Variants in ACAD8 observed in about 807,000 individuals in gnomAD.
The protein encoded by ACAD8 is isobutyryl-CoA dehydrogenase, mitochondrial.
A neutral mutation model predicts 53.1 loss-of-function variants in ACAD8; 47 were observed. The ratio of observed to expected loss-of-function variants is 0.89; its 90% confidence interval spans 0.70 to 1.13. The LOEUF (loss-of-function observed/expected upper bound fraction) is 1.13. Among genes scored for constraint, ACAD8 ranks in the 50% most tolerant of loss-of-function variants. ACAD8 has a pLI of 0.00. For synonymous variants in ACAD8, 198 were observed against 201.3 expected (o/e 0.98, Z 0.14); for missense variants, 494 against 535.0 (o/e 0.92, Z 0.76).
rs748064018 is a variant in ACAD8 at position 134,261,639 on chromosome 11, T to G, written c.940-99T>G. 1.1e-5 allele frequency: 18 copies of G among 1,588,740 alleles called. No individual in the cohort carries two copies. In the South Asian group the frequency reaches 2.0e-4, roughly 18 times the overall value. ...AAGAGACTTTGAAGCTTTGGATCACTTAGAAAAGGCGCCTCCGAGATGTCT... is the reference window on the plus strand; with the variant it reads ...AAGAGACTTTGAAGCTTTGGATCACGTAGAAAAGGCGCCTCCGAGATGTCT... On this transcript the variant is annotated intron_variant, in intron 8 of 10. Transcript: ENST00000281182. This position sits in a 1 kb window ranked among gnomAD's most constrained non-coding sequence, Gnocchi z 4.2.
At position 134,261,258 on chromosome 11, in the gene ACAD8, G is replaced by A. The variant is rs1245553838; in HGVS notation, c.842-17G>A. 1 of 1,614,022 alleles carries A rather than the reference G, an allele frequency of 6.2e-7. No homozygotes were observed. The highest frequency in any genetic ancestry group is 8.5e-7 in the Non-Finnish European group (1 of 1,179,946). On this transcript the variant is annotated splice_polypyrimidine_tract_variant and intron_variant, in intron 7 of 10. Transcript: ENST00000281182. The surrounding 1 kb of genome is among the most constrained non-coding windows in gnomAD (Gnocchi z 4.2). Reference sequence around the variant, plus strand: ...GTTTTCCAGCTTGGTTGGAACGTCGGCGCTCTTCCCCTCTAGCTTCCTGCT... The same window carrying A: ...GTTTTCCAGCTTGGTTGGAACGTCGACGCTCTTCCCCTCTAGCTTCCTGCT...
At chr11:134,253,840 C>T in intron 1 of ACAD8, 131 bp downstream of exon 1, 2 of 994,066 alleles carry the variant, frequency 2.0e-6, no homozygotes, top group Non-Finnish European at 3.1e-6. Context: ...AGTCACCCCC[C>T]CGGCCTGGCT....
chr11:134,262,282 A>G (rs1939927829), intron 9 of ACAD8: 1 of 660,686 alleles, frequency 1.5e-6, no homozygotes, highest in East Asian at 3.0e-5. Context: ...GGCAGGTAAT[A>G]AGGGAGAGGG....
At position 134,258,973 on chromosome 11, in the gene ACAD8, C is replaced by A. The variant is rs12800491; in HGVS notation, c.491-35C>A. On this transcript the variant is annotated intron_variant, in intron 4 of 10. Coordinates refer to ENST00000281182, the MANE Select transcript of ACAD8 (RefSeq NM_014384.3). ...GCTCCCTCGACCTCACTGACTTTCT[C>A]ACCTTCTCTCTGCTGCCTTTTGATC... 0.037 allele frequency: 57,646 copies of A among 1,576,160 alleles called. 1,233 individuals carry two copies. Among genetic ancestry groups the A allele is most frequent in the African/African-American group, 0.043 (3,223 of 74,254 alleles).
intron 4 of ACAD8, 27 bp downstream of exon 4, chr11:134,258,651 A>G: frequency 6.6e-7 from 1 of 1,526,288 alleles, no homozygotes; most frequent in Non-Finnish European, 9.1e-7. Flanking sequence ...GCACTGAGAT[A>G]TAGCAGGGAG....
chr11:134,265,150 C>T lies in ACAD8; in HGVS notation c.*190C>T, dbSNP rs111296476. ...ACTGGGGCAGAATCCCCAGTGGAAC[C>T]GGAAGAGCTGGACTGATGAGAAACA... On this transcript the variant is annotated 3_prime_UTR_variant, in exon 11 of 11. Transcript: ENST00000281182. 9,985 of 646,860 alleles carry T rather than the reference C, an allele frequency of 0.015. 707 individuals are homozygous for T. The African/African-American group carries it at 0.16, about 10-fold the overall frequency. The allele number at this position is 646,860 out of a possible 1,614,324, so 40.1% of individuals were successfully genotyped here. A position where few individuals can be genotyped will look rare whatever the true frequency, so the allele number is the denominator to read the frequency against.
At position 134,254,682 on chromosome 11, in the gene ACAD8, G is replaced by A. The variant is rs11223735; in HGVS notation, c.109+973G>A. On this transcript the variant is annotated intron_variant, in intron 1 of 10. Coordinates refer to ENST00000281182, the MANE Select transcript of ACAD8 (RefSeq NM_014384.3). ...AACCCAGATTACCCTGGTTGATACCGAAGCAGATAAGGAATTATTTAGAGG... is the reference window on the plus strand; with the variant it reads ...AACCCAGATTACCCTGGTTGATACCAAAGCAGATAAGGAATTATTTAGAGG... 1.5e-4 allele frequency among the ~76,000 whole-genome samples: 23 copies of A among 152,324 alleles called. No individual in the cohort carries two copies. In the East Asian group the frequency reaches 3.7e-3, roughly 24 times the overall value.
chr11:134,253,986 G>A (rs1939304947), intron 1 of ACAD8, among the ~76,000 whole-genome samples: 1 of 147,858 alleles, frequency 6.8e-6, no homozygotes, highest in Admixed American at 6.7e-5. Context: ...TCCTCCGGCC[G>A]GTCACCCCCG....
intron 2 of ACAD8, 112 bp downstream of exon 2, chr11:134,256,760 T>TA: frequency 1.1e-6 from 1 of 942,112 alleles, no homozygotes; most frequent in Non-Finnish European, 1.6e-6. Context: ...TACCAACTCT[T>TA]ACTGCAAGTG....
Position 134,253,656 on chromosome 11 carries a change from G to A in ACAD8, c.56G>A (p.Gly19Asp). 6.3e-7 allele frequency: 1 copy of A among 1,597,650 alleles called. No individual in the cohort carries two copies. Among genetic ancestry groups the A allele is most frequent in the South Asian group, 1.1e-5 (1 of 89,022 alleles). The change falls in exon 1 of 11, where the codon GGT becomes GAT. Residue 19 changes from glycine to aspartate, a missense_variant. Coordinates refer to ENST00000281182, the MANE Select transcript of ACAD8 (RefSeq NM_014384.3). Reference protein sequence around the residue: ...FGARLGCLPGGLRVLVQTGHR... With the variant: ...FGARLGCLPGDLRVLVQTGHR... ...GCGCGCCTCGGCTGCCTGCCCGGCG[G>A]TCTCCGGGTCCTCGTCCAGACCGGC...
At chr11:134,259,168 G>A in intron 5 of ACAD8, 84 bp downstream of exon 5, 3 of 1,227,290 alleles carry the variant, frequency 2.4e-6, no homozygotes, top group East Asian at 2.3e-5. Flanking sequence ...ACATCCGCGG[G>A]TTAATACTCC....
chr11:134,259,400 A>G (rs562943735), intron 5 of ACAD8: 28 of 592,578 alleles, frequency 4.7e-5, no homozygotes, highest in Non-Finnish European at 7.9e-5. Flanking sequence ...TCTCTGTGCC[A>G]TTGGACCTTA....
rs71486998 is a variant in ACAD8 at position 134,262,786 on chromosome 11, G to C, written c.1195+164G>C. 0.051 allele frequency: 76,759 copies of C among 1,496,614 alleles called. 4,515 individuals are homozygous for C. The highest frequency in any genetic ancestry group is 0.3 in the African/African-American group (21,859 of 72,126). 92.7% of individuals were successfully genotyped at this position (1,496,614 alleles called of 1,614,324 possible). On this transcript the variant is annotated intron_variant, in intron 10 of 10. Transcript: ENST00000281182. Reference sequence around the variant, plus strand: ...GTTCCGCAGAGCTGTTCTGGCAGGGGCCTGGAGTCCAGAGCCGCAGCTTCG... The same window carrying C: ...GTTCCGCAGAGCTGTTCTGGCAGGGCCCTGGAGTCCAGAGCCGCAGCTTCG...
chr11:134,261,241 G>A lies in ACAD8; in HGVS notation c.842-34G>A, dbSNP rs930743838. 1.2e-6 allele frequency: 2 copies of A among 1,614,030 alleles called. No homozygotes were observed. The highest frequency in any genetic ancestry group is 1.1e-5 in the South Asian group (1 of 91,086). On this transcript the variant is annotated intron_variant, in intron 7 of 10. Coordinates refer to ENST00000281182, the MANE Select transcript of ACAD8 (RefSeq NM_014384.3). This position sits in a 1 kb window ranked among gnomAD's most constrained non-coding sequence, Gnocchi z 4.2. Reference sequence around the variant, plus strand: ...CCGGGACAGGCACTGCTGTTTTCCAGCTTGGTTGGAACGTCGGCGCTCTTC... The same window carrying A: ...CCGGGACAGGCACTGCTGTTTTCCAACTTGGTTGGAACGTCGGCGCTCTTC...
At chr11:134,262,490 C>T (rs1473445361) in intron 9 of ACAD8, 30 bp from the exon 10 acceptor site, 1 of 1,508,560 alleles carries the variant, frequency 6.6e-7, no homozygotes, top group Admixed American at 1.7e-5. Context: ...TTCCCAGAGT[C>T]CAAGACGTCT....
At chr11:134,264,794 T>C (rs1940093553) in intron 10 of ACAD8, 114 bp from the exon 11 acceptor site, 2 of 886,262 alleles carry the variant, frequency 2.3e-6, no homozygotes, top group African/African-American at 1.6e-5. Flanking sequence ...AAGCAATGAT[T>C]GTAGTTTAAA....
chr11:134,261,103 G>A lies in ACAD8; in HGVS notation c.765G>A (p.Val255=). 6.2e-7 allele frequency: 1 copy of A among 1,612,164 alleles called. No homozygotes were observed. The highest frequency in any genetic ancestry group is 8.5e-7 in the Non-Finnish European group (1 of 1,179,244). ...TCTTCGAAGACTGTGCTGTCCCTGT[G>A]GCCAACAGAATTGGGAGCGAGGGGC... ...AVIFEDCAVP[V]ANRIGSEGQG... Residue 255 remains valine (V), a synonymous_variant, in exon 7 of 11, where the codon GTG becomes GTA. Coordinates refer to ENST00000281182, the MANE Select transcript of ACAD8 (RefSeq NM_014384.3). This position sits in a 1 kb window ranked among gnomAD's most constrained non-coding sequence, Gnocchi z 4.2.
intron 10 of ACAD8, chr11:134,263,337 AC>A (rs1565377866): frequency 5.0e-6 from 5 of 990,404 alleles, no homozygotes; most frequent in South Asian, 4.6e-5. Flanking sequence ...CTTTCACAGC[AC>A]CCTTCTCAAA....
rs745560233 is a variant in ACAD8 at position 134,259,046 on chromosome 11, A to G, written c.529A>G (p.Lys177Glu). 5.0e-6 allele frequency: 8 copies of G among 1,614,160 alleles called. No homozygotes were observed. The East Asian group carries it at 1.8e-4, about 36-fold the overall frequency. ...TGCTGCCTCTCTTCTGACCTCCGCT[A>G]AGAAACAGGGAGATCATTACATCCT... ...SDAASLLTSAKKQGDHYILNG... is the reference protein window; with the variant it reads ...SDAASLLTSAEKQGDHYILNG... Residue 177 changes from lysine (K) to glutamate (E), a missense_variant, in exon 5 of 11, where the codon AAG (lysine) becomes GAG (glutamate). Transcript: ENST00000281182.
Sources: gnomAD v4.1 joint callset for allele counts (sites outside exome capture counted in the v4.1 genomes callset) on GRCh38, gnomAD v4.1.1 for gene constraint, Gnocchi (gnomAD v3.1) non-coding constraint, MANE v1.5 for transcripts, NCBI Gene and HGNC (gene_info 2026-07-23, HGNC 2026-07-21) for gene names.